Variants in UGGT2 observed in about 807,000 individuals in gnomAD.
The protein encoded by UGGT2 is UDP-glucose:glycoprotein glucosyltransferase 2.
Under a neutral mutation model 192.1 loss-of-function variants are expected in UGGT2, and 180 were observed. The ratio of observed to expected loss-of-function variants is 0.94; its 90% CI spans 0.83 to 1.06. The LOEUF (loss-of-function observed/expected upper bound fraction) is 1.06, where lower values mean the gene tolerates loss of function less well. Among genes scored for constraint, UGGT2 ranks in the 50% least tolerant of loss-of-function variants. The probability of loss-of-function intolerance (pLI) is 0.00; values close to 1 mark genes in which losing one functional copy is unlikely to be tolerated. For synonymous variants in UGGT2, 580 were observed against 591.0 expected, an observed-to-expected ratio of 0.98 and a Z score of 0.27; for missense variants, 1,849 against 1,795.7, an observed-to-expected ratio of 1.03 and a Z score of -0.54.
chr13:96,008,913 A>G (rs952154929), intron 5 of UGGT2, among the ~76,000 whole-genome samples: 1 of 152,200 alleles, frequency 6.6e-6, no homozygotes, highest in Non-Finnish European at 1.5e-5. Flanking sequence ...GAGCCTGAAT[A>G]GTCAAGGCAA....
chr13:95,903,581 C>A lies in UGGT2; in HGVS notation c.2296-521G>T, dbSNP rs1421242035. 2.0e-5 allele frequency among the ~76,000 whole-genome samples: 3 copies of A among 150,028 alleles called. No individual in the cohort carries two copies. In the East Asian group the frequency reaches 5.9e-4, roughly 29 times the overall value. ...ATTTTAAATTTCATATAAATGGAGT[C>A]ATGCAGTATTATTTTGTGTTCTTTC... is the stretch of plus-strand genomic sequence containing the variant. On this transcript the variant is annotated intron_variant, in intron 20 of 38. Coordinates refer to ENST00000376747, the MANE Select transcript of UGGT2 (RefSeq NM_020121.4).
chr13:95,861,574 A>G (rs1233447938), intron 31 of UGGT2, among the ~76,000 whole-genome samples: 1 of 152,204 alleles, frequency 6.6e-6, no homozygotes, highest in African/African-American at 2.4e-5. Flanking sequence ...CATTTCATAT[A>G]TAAAAATGAC....
chr13:95,867,275 A>T, intron 30 of UGGT2, 64 bp downstream of exon 30: 1 of 1,343,372 alleles, frequency 7.4e-7, no homozygotes, highest in South Asian at 1.4e-5. Flanking sequence ...AATTAATTAA[A>T]AAACAAAGAA....
At chr13:95,902,223 T>C (rs7339059) in intron 21 of UGGT2, among the ~76,000 whole-genome samples, 128,832 of 152,148 alleles carry the variant, frequency 0.85, 54,750 homozygotes, top group East Asian at 0.93. Context: ...ATTTAATTTA[T>C]TTTCTCACTC....
In UGGT2 at chr13:95,860,863, T is replaced by C. The variant is rs1890099894; in HGVS notation, c.3665A>G (p.Lys1222Arg). 6.4e-7 allele frequency: 1 copy of C among 1,566,692 alleles called. No homozygotes were observed. The highest frequency in any genetic ancestry group is 1.8e-5 in the Admixed American group (1 of 54,260). ...SIKSFTVSLH[K>R]ENKKEKDVLN... is the part of the protein sequence containing the mutation. ...GACATCTTTTTCCTTTTTGTTTTCT[T>C]TATGCAAGCTTACTGTGAAACTTGG... is the stretch of plus-strand genomic sequence containing the variant. The change falls in exon 32 of 39, where the codon AAA becomes AGA. Residue 1222 changes from lysine (K) to arginine (R), a missense_variant. Physicochemically the swap from Lys to Arg is conservative, Grantham distance 26. Transcript: ENST00000376747.
At chr13:95,840,513 G>A (rs1299870699) in intron 36 of UGGT2, among the ~76,000 whole-genome samples, 1 of 152,130 alleles carries the variant, frequency 6.6e-6, no homozygotes, top group Non-Finnish European at 1.5e-5. Context: ...ACCATCTCAT[G>A]CCAGTTAGAA....
chr13:95,832,664 C>T (rs779819513), intron 38 of UGGT2: 2 of 545,210 alleles, frequency 3.7e-6, no homozygotes, highest in Non-Finnish European at 7.1e-6. Context: ...TTTTTCACCT[C>T]TATGTTGTGT....
chr13:95,802,812 T>G (rs1884120563), intron 38 of UGGT2, among the ~76,000 whole-genome samples: 1 of 143,196 alleles, frequency 7.0e-6, no homozygotes, highest in Non-Finnish European at 1.5e-5. Context: ...TAGCTATCCT[T>G]TTTTGTTTGT....
chr13:95,850,381 G>A (rs965349750), intron 36 of UGGT2, among the ~76,000 whole-genome samples: 6 of 152,222 alleles, frequency 3.9e-5, no homozygotes, highest in South Asian at 2.1e-4. Context: ...GCTTCTGGAT[G>A]AGCCTATGGG....
At chr13:95,959,942 A>G (rs2050335860) in intron 12 of UGGT2, among the ~76,000 whole-genome samples, 1 of 152,112 alleles carries the variant, frequency 6.6e-6, no homozygotes, top group Non-Finnish European at 1.5e-5. Flanking sequence ...AAACTTCATC[A>G]CAGCCTCCAC....
chr13:95,903,732 A>C (rs2048182742), intron 20 of UGGT2, among the ~76,000 whole-genome samples: 1 of 152,068 alleles, frequency 6.6e-6, no homozygotes, highest in African/African-American at 2.4e-5. Context: ...TGGACATCTG[A>C]GTTTCTTCCA....
At chr13:95,939,107 C>T (rs2049569511) in intron 16 of UGGT2, among the ~76,000 whole-genome samples, 1 of 152,152 alleles carries the variant, frequency 6.6e-6, no homozygotes, top group South Asian at 2.1e-4. Flanking sequence ...CCTTGCTTGC[C>T]TCTCCAGCCT....
Position 95,812,054 on chromosome 13 carries a change from A to G in UGGT2, c.4529-10242T>C, listed in dbSNP as rs1330652380. ...TAATGCTTTAAATGAAAGGTTAGCAAACTTTTACTGTAAAAAGACAGATAA... is the reference window on the plus strand; with the variant it reads ...TAATGCTTTAAATGAAAGGTTAGCAGACTTTTACTGTAAAAAGACAGATAA... On this transcript the variant is annotated intron_variant, in intron 38 of 38. Transcript: ENST00000376747. Among the ~76,000 whole-genome samples the G allele has an allele frequency of 2.0e-5, 3 of 152,304 alleles. No individual in the cohort carries two copies. In the East Asian group the frequency reaches 5.8e-4, roughly 29 times the overall value.
At chr13:96,031,640 TTGA>T (rs2052838614) in intron 2 of UGGT2, among the ~76,000 whole-genome samples, 1 of 152,214 alleles carries the variant, frequency 6.6e-6, no homozygotes, top group Non-Finnish European at 1.5e-5. Context: ...TGATTTCTTC[TTGA>T]TGAGAATGCA....
At chr13:95,813,489 T>C (rs1884675074) in intron 38 of UGGT2, among the ~76,000 whole-genome samples, 1 of 152,212 alleles carries the variant, frequency 6.6e-6, no homozygotes, top group African/African-American at 2.4e-5. Context: ...ATATGTGTCC[T>C]GGCTGTTTCT....
chr13:96,018,004 C>A (rs959500835), intron 4 of UGGT2, among the ~76,000 whole-genome samples: 1 of 152,134 alleles, frequency 6.6e-6, no homozygotes, highest in African/African-American at 2.4e-5. Context: ...CTAAAAATAA[C>A]TTTGTATCAT....
chr13:96,027,251 G>A (rs772417053), intron 2 of UGGT2, among the ~76,000 whole-genome samples: 2 of 152,174 alleles, frequency 1.3e-5, no homozygotes, highest in Non-Finnish European at 2.9e-5. Flanking sequence ...AGAAATGTGA[G>A]TAGTGCCTGA....
intron 1 of UGGT2, among the ~76,000 whole-genome samples, chr13:96,046,580 G>A (rs769647524): frequency 6.6e-6 from 1 of 152,224 alleles, no homozygotes; most frequent in Non-Finnish European, 1.5e-5. Context: ...TTCCAACTGA[G>A]GTACCAGGTT....
intron 5 of UGGT2, among the ~76,000 whole-genome samples, chr13:96,000,389 T>C (rs1349371168): frequency 1.3e-5 from 2 of 152,200 alleles, no homozygotes; most frequent in Admixed American, 6.5e-5. Flanking sequence ...CAGGTAAGAA[T>C]ATGTAAAAGT....
Sources: gnomAD v4.1 joint callset for allele counts (sites outside exome capture counted in the v4.1 genomes callset) on GRCh38, gnomAD v4.1.1 for gene constraint, MANE v1.5 for transcripts, NCBI Gene and HGNC (gene_info 2026-07-23, HGNC 2026-07-21) for gene names.